RBPJ: variants seen among roughly 807,000 people sequenced by gnomAD.
RBPJ encodes the protein recombination signal binding protein for immunoglobulin kappa J region.
A neutral mutation model predicts 67.8 loss-of-function variants in RBPJ; 9 were observed. The ratio of observed to expected loss-of-function variants is 0.13; its 90% CI spans 0.08 to 0.23. The LOEUF is 0.23. RBPJ is among the 10% of genes least tolerant of loss of function. RBPJ has a pLI of 1.00. For missense variants in RBPJ, 305 were observed against 595.6 expected (o/e 0.51, Z 5.08); for synonymous variants, 198 against 203.3 (o/e 0.97, Z 0.22).
intron 1 of RBPJ, among the ~76,000 whole-genome samples, chr4:26,268,283 C>T (rs1720771190): frequency 6.6e-6 from 1 of 151,980 alleles, no homozygotes; most frequent in Non-Finnish European, 1.5e-5. Flanking sequence ...ACAACAAAAA[C>T]CAAGTGTCCT....
chr4:26,320,901 G>C, upstream of RBPJ: 1 of 1,593,392 alleles, frequency 6.3e-7, no homozygotes. Flanking sequence ...GCGGCGAGGG[G>C]AAAGGGAGCG....
At chr4:26,221,140 G>T (rs1185298011) in intron 1 of RBPJ, among the ~76,000 whole-genome samples, 1 of 152,198 alleles carries the variant, frequency 6.6e-6, no homozygotes, top group Non-Finnish European at 1.5e-5. Flanking sequence ...GCCCAGGCTG[G>T]AGTGCGGTGG....
chr4:26,200,080 C>T (rs1164354290), intron 1 of RBPJ, among the ~76,000 whole-genome samples: 5 of 152,180 alleles, frequency 3.3e-5, no homozygotes, highest in African/African-American at 4.8e-5. Flanking sequence ...GGCCTCTCTT[C>T]GCCACCTCAA....
rs1720639001 is a variant in RBPJ at position 26,264,244 on chromosome 4, TAATCAATGAATACTTATTAATTCA to T, written c.-166-98177_-166-98154del. Among the ~76,000 whole-genome samples the T allele has an allele frequency of 6.6e-6, 1 of 152,220 alleles. No individual in the cohort carries two copies. Among genetic ancestry groups the T allele is most frequent in the Non-Finnish European group, 1.5e-5 (1 of 68,046 alleles). On this transcript the variant is annotated intron_variant, in intron 1 of 4. Coordinates refer to the RBPJ transcript ENST00000512351. The surrounding 1 kb of genome is among the most constrained non-coding windows in gnomAD (Gnocchi z 4.1). The stretch of plus-strand genomic sequence containing the variant: ...AGCTTCAACAAATTATGTGTTGAAT[TAATCAATGAATACTTATTAATTCA>T]AATCAATGAATACTTATTAATTCAG...
intron 1 of RBPJ, among the ~76,000 whole-genome samples, chr4:26,382,236 A>G (rs1030524675): frequency 3.9e-5 from 6 of 152,238 alleles, no homozygotes; most frequent in Admixed American, 1.3e-4. Flanking sequence ...CCCTACTTCA[A>G]GATGGAGAGA....
intron 1 of RBPJ, among the ~76,000 whole-genome samples, chr4:26,281,369 C>G (rs1368185355): frequency 6.6e-6 from 1 of 152,146 alleles, no homozygotes; most frequent in Non-Finnish European, 1.5e-5. Flanking sequence ...ACCTCCACCT[C>G]CTGGGTTCAA....
chr4:26,164,404 A>G (rs1170862168), intron 1 of RBPJ, among the ~76,000 whole-genome samples: 1 of 152,212 alleles, frequency 6.6e-6, no homozygotes, highest in African/African-American at 2.4e-5. Context: ...GAAACAATAC[A>G]AGTGGTTTCT....
At chr4:26,300,529 G>A (rs1722041541) in intron 1 of RBPJ, among the ~76,000 whole-genome samples, 1 of 152,214 alleles carries the variant, frequency 6.6e-6, no homozygotes, top group Non-Finnish European at 1.5e-5. Context: ...AAGGTGGAAT[G>A]TACTACTAAG....
chr4:26,331,205 C>T (rs986002087), intron 1 of RBPJ, among the ~76,000 whole-genome samples: 15 of 152,140 alleles, frequency 9.9e-5, no homozygotes, highest in Non-Finnish European at 1.2e-4. Flanking sequence ...AGCTCGTAAT[C>T]ATCCCACTTG....
intron 1 of RBPJ, among the ~76,000 whole-genome samples, chr4:26,376,255 ACT>A (rs1472339228): frequency 2.6e-5 from 4 of 151,614 alleles, no homozygotes; most frequent in African/African-American, 9.7e-5. Context: ...CCAAACTGAA[ACT>A]CTGTGCTCAT....
chr4:26,213,394 T>G (rs1011410707), intron 1 of RBPJ, among the ~76,000 whole-genome samples: 2 of 152,228 alleles, frequency 1.3e-5, no homozygotes, highest in African/African-American at 4.8e-5. Context: ...TTGGGTTTTT[T>G]TTCCTCTAAG....
chr4:26,321,033 C>G lies in RBPJ; in HGVS notation c.5C>G (p.Ala2Gly), dbSNP rs749657365. 2.5e-6 allele frequency: 4 copies of G among 1,612,516 alleles called. No individual in the cohort carries two copies. Among genetic ancestry groups the G allele is most frequent in the Non-Finnish European group, 2.5e-6 (3 of 1,178,854 alleles). ...TTTGGCGAGAGTTTGTGGAAGATGG[C>G]GCCTGTTGTGACAGGGTAAGTCTGA... M[A>G]PVVTGKFGER... is the part of the protein sequence containing the mutation. The change falls in exon 1 of 11, where the codon GCG (alanine) becomes GGG (glycine). Residue 2 changes from alanine (A) to glycine (G), a missense_variant. Transcript: ENST00000355476.
chr4:26,227,767 C>T (rs910685508), intron 1 of RBPJ, among the ~76,000 whole-genome samples: 5 of 152,232 alleles, frequency 3.3e-5, no homozygotes, highest in East Asian at 3.8e-4. Flanking sequence ...TTGCTTGAGT[C>T]GCGGAGCGTC....
intron 1 of RBPJ, among the ~76,000 whole-genome samples, chr4:26,359,150 G>A (rs961358368): frequency 1.3e-5 from 2 of 152,028 alleles, no homozygotes; most frequent in Non-Finnish European, 2.9e-5. Flanking sequence ...CTCACGGAAC[G>A]TACATATTTA....
chr4:26,416,621 GGTTA>G (rs1215166349), intron 4 of RBPJ, among the ~76,000 whole-genome samples: 1 of 152,134 alleles, frequency 6.6e-6, no homozygotes, highest in East Asian at 1.9e-4. Flanking sequence ...TTTGGAAAAT[GGTTA>G]GTTCTGATCT....
At chr4:26,336,994 G>A (rs1158593983) in intron 1 of RBPJ, among the ~76,000 whole-genome samples, 1 of 152,050 alleles carries the variant, frequency 6.6e-6, no homozygotes, top group Non-Finnish European at 1.5e-5. Context: ...TTTGTTTTTT[G>A]AGACTGAGTG....
At chr4:26,231,556 C>T (rs1371361715) in intron 1 of RBPJ, among the ~76,000 whole-genome samples, 2 of 151,874 alleles carry the variant, frequency 1.3e-5, no homozygotes, top group African/African-American at 4.8e-5. Context: ...GGATTATAGG[C>T]ACCCGCCACC....
At chr4:26,219,185 G>A (rs1332828343) in intron 1 of RBPJ, among the ~76,000 whole-genome samples, 2 of 152,210 alleles carry the variant, frequency 1.3e-5, no homozygotes, top group African/African-American at 4.8e-5. Context: ...GATGGAGGGA[G>A]AACCAGTTCT....
intron 3 of RBPJ, among the ~76,000 whole-genome samples, chr4:26,409,145 G>A (rs1336071035): frequency 6.6e-6 from 1 of 152,222 alleles, no homozygotes; most frequent in Non-Finnish European, 1.5e-5. Context: ...TTTACTAGGA[G>A]TTTTAAAAGT....
Sources: allele counts gnomAD v4.1 joint callset (sites outside exome capture counted in the v4.1 genomes callset), GRCh38; gene constraint gnomAD v4.1.1; non-coding constraint Gnocchi (gnomAD v3.1); transcripts MANE v1.5; gene names NCBI Gene and HGNC (gene_info 2026-07-23, HGNC 2026-07-21).